Variants in CNTNAP2 observed in about 807,000 individuals in gnomAD.
CNTNAP2 encodes contactin associated protein 2.
Under a neutral mutation model 155.2 loss-of-function variants are expected in CNTNAP2, and 98 were observed. The observed-to-expected ratio is 0.63, with a 90% CI of 0.54 to 0.75. The LOEUF is 0.75. Among genes scored for constraint, CNTNAP2 ranks in the 30% least tolerant of loss-of-function variants. The probability of loss-of-function intolerance (pLI) is 0.00; values close to 1 mark genes in which losing one functional copy is unlikely to be tolerated. For missense variants in CNTNAP2, 1,727 were observed against 1,688.1 expected (o/e 1.02, Z -0.40); for synonymous variants, 651 against 631.2 (o/e 1.03, Z -0.47).
chr7:147,842,914 ACATGAACTCAT>A, intron 13 of CNTNAP2, among the ~76,000 whole-genome samples: 1 of 34,482 alleles, frequency 2.9e-5, no homozygotes, highest in Admixed American at 4.3e-4. Flanking sequence ...CCTACAAAGG[ACATGAACTCAT>A]CATTTTTTAT....
chr7:148,072,195 C>T (rs79589396), intron 15 of CNTNAP2, among the ~76,000 whole-genome samples: 1 of 152,272 alleles, frequency 6.6e-6, no homozygotes, highest in East Asian at 1.9e-4. Flanking sequence ...CTCTAAATCT[C>T]CAAGCAATGG....
intron 12 of CNTNAP2, among the ~76,000 whole-genome samples, chr7:147,605,732 G>C (rs936752479): frequency 6.6e-6 from 1 of 152,018 alleles, no homozygotes; most frequent in Non-Finnish European, 1.5e-5. Context: ...TGCGCTTTTG[G>C]GGGAGAAAGA....
At chr7:146,700,802 C>T (rs1585048209) in intron 1 of CNTNAP2, among the ~76,000 whole-genome samples, 1 of 152,090 alleles carries the variant, frequency 6.6e-6, no homozygotes, top group East Asian at 1.9e-4. Flanking sequence ...ATCCACAAAT[C>T]CAAGTCCACG....
intron 22 of CNTNAP2, 42 bp from the exon 23 acceptor site, chr7:148,409,334 TTATTTGGGATCAATA>T: frequency 7.5e-7 from 1 of 1,338,398 alleles, no homozygotes; most frequent in Non-Finnish European, 1.1e-6. Context: ...AGGTATCAAA[TTATTTGGGATCAATA>T]GTATACTTGA....
At chr7:147,901,145 T>A (rs548090666) in intron 13 of CNTNAP2, among the ~76,000 whole-genome samples, 1 of 152,282 alleles carries the variant, frequency 6.6e-6, no homozygotes, top group East Asian at 1.9e-4. Context: ...CTCCTGAACC[T>A]TTTTTGTGTG....
chr7:146,649,817 A>C (rs556687276), intron 1 of CNTNAP2, among the ~76,000 whole-genome samples: 1 of 152,224 alleles, frequency 6.6e-6, no homozygotes, highest in Non-Finnish European at 1.5e-5. Flanking sequence ...TATTTCCCAA[A>C]CCATAGTCTT....
chr7:146,922,043 A>C (rs1302497816), intron 3 of CNTNAP2, among the ~76,000 whole-genome samples: 1 of 152,122 alleles, frequency 6.6e-6, no homozygotes, highest in Non-Finnish European at 1.5e-5. Context: ...ATCTCATTGT[A>C]CCCTTTCAGA....
At chr7:146,775,464 T>C (rs1018157451) in intron 2 of CNTNAP2, among the ~76,000 whole-genome samples, 1 of 149,074 alleles carries the variant, frequency 6.7e-6, no homozygotes. Context: ...TAAAGGAAAA[T>C]AAGAAATGTG....
intron 3 of CNTNAP2, among the ~76,000 whole-genome samples, chr7:146,903,716 G>A (rs1192403533): frequency 6.6e-6 from 1 of 152,188 alleles, no homozygotes; most frequent in Non-Finnish European, 1.5e-5. Flanking sequence ...TGCAGAGAGA[G>A]AGGAAAGGAT....
At position 146,738,657 on chromosome 7, in the gene CNTNAP2, T is replaced by G. The variant is rs939254976; in HGVS notation, c.98-35614T>G. On this transcript the variant is annotated intron_variant, in intron 1 of 23. Coordinates refer to ENST00000361727, the MANE Select transcript of CNTNAP2 (RefSeq NM_014141.6). ...GTCTCAAAGTTGTGGGTCTTAGATT[T>G]AAGTATTTAATCCATTTTGAGTTGA... Among the ~76,000 whole-genome samples, 11 of 152,056 alleles carry G rather than the reference T, an allele frequency of 7.2e-5. No individual in the cohort carries two copies. In the South Asian group the frequency reaches 1.4e-3, roughly 20 times the overall value.
intron 20 of CNTNAP2, among the ~76,000 whole-genome samples, chr7:148,242,002 A>G (rs1796166285): frequency 6.6e-6 from 1 of 152,224 alleles, no homozygotes; most frequent in African/African-American, 2.4e-5. Flanking sequence ...TTTCTCCAGA[A>G]TACGGCTAAA....
intron 3 of CNTNAP2, among the ~76,000 whole-genome samples, chr7:146,909,030 C>T (rs1201548317): frequency 4.4e-4 from 67 of 151,154 alleles, no homozygotes; most frequent in East Asian, 1.8e-3. Flanking sequence ...AACACCTCTA[C>T]GCAAATAAAC....
At chr7:146,966,830 A>G (rs1381308784) in intron 3 of CNTNAP2, among the ~76,000 whole-genome samples, 1 of 152,222 alleles carries the variant, frequency 6.6e-6, no homozygotes, top group Non-Finnish European at 1.5e-5. Context: ...TTCAATATCT[A>G]GTTCAGCCTA....
chr7:146,362,794 C>T (rs537683560), intron 1 of CNTNAP2, among the ~76,000 whole-genome samples: 29 of 109,914 alleles, frequency 2.6e-4, no homozygotes, highest in South Asian at 2.3e-3. Context: ...TTTTTTGAGA[C>T]GGAGTCTCGC....
intron 8 of CNTNAP2, among the ~76,000 whole-genome samples, chr7:147,267,457 CT>C (rs1284573434): frequency 2.6e-5 from 4 of 152,110 alleles, no homozygotes; most frequent in African/African-American, 9.6e-5. Context: ...ATCTTGTTTC[CT>C]TTCATGTTTT....
At chr7:147,683,411 G>A (rs1322808303) in intron 13 of CNTNAP2, among the ~76,000 whole-genome samples, 4 of 151,718 alleles carry the variant, frequency 2.6e-5, no homozygotes, top group Non-Finnish European at 5.9e-5. Flanking sequence ...TACCTGATAA[G>A]ATAAGTTTTG....
chr7:148,047,962 C>A (rs779736406), intron 15 of CNTNAP2, among the ~76,000 whole-genome samples: 3 of 151,932 alleles, frequency 2.0e-5, no homozygotes, highest in Non-Finnish European at 4.4e-5. Flanking sequence ...CTCGCTTTGT[C>A]GCCCAGTCTG....
intron 1 of CNTNAP2, among the ~76,000 whole-genome samples, chr7:146,269,404 A>T (rs145907463): frequency 2.0e-5 from 3 of 152,260 alleles, no homozygotes; most frequent in African/African-American, 7.2e-5. Flanking sequence ...AAGGGATCCT[A>T]TCCTACAGAT....
intron 13 of CNTNAP2, among the ~76,000 whole-genome samples, chr7:147,858,091 C>T (rs1799071047): frequency 6.6e-6 from 1 of 152,054 alleles, no homozygotes; most frequent in Non-Finnish European, 1.5e-5. Flanking sequence ...TGAAAATACT[C>T]TTTTTTTCTT....
Sources: allele counts gnomAD v4.1 joint callset (sites outside exome capture counted in the v4.1 genomes callset), GRCh38; gene constraint gnomAD v4.1.1; transcripts MANE v1.5; gene names NCBI Gene and HGNC (gene_info 2026-07-23, HGNC 2026-07-21).